LHFPL3: variants seen among roughly 807,000 people sequenced by gnomAD.
LHFPL3 encodes the protein LHFPL tetraspan subfamily member 3, also known as LHFPL tetraspan subfamily member 3 protein.
LHFPL3 carries 5 observed loss-of-function variants against 19.3 expected under a neutral mutation model. The ratio of observed to expected loss-of-function variants is 0.26; its 90% CI spans 0.14 to 0.54. LHFPL3 has a LOEUF of 0.54. Among genes scored for constraint, LHFPL3 ranks in the 20% least tolerant of loss-of-function variants. The pLI is 0.94. For synonymous variants in LHFPL3, 133 were observed against 126.2 expected, an observed-to-expected ratio of 1.05 and a Z score of -0.36; for missense variants, 249 against 307.4, an observed-to-expected ratio of 0.81 and a Z score of 1.42.
chr7:104,866,732 G>A (rs1250369997), intron 2 of LHFPL3, among the ~76,000 whole-genome samples: 1 of 152,168 alleles, frequency 6.6e-6, no homozygotes, highest in Non-Finnish European at 1.5e-5. Flanking sequence ...GGACCTAATA[G>A]ACATCTACAG....
At chr7:104,495,485 G>A (rs944872744) in intron 1 of LHFPL3, among the ~76,000 whole-genome samples, 11 of 152,172 alleles carry the variant, frequency 7.2e-5, no homozygotes, top group African/African-American at 1.2e-4. Context: ...CCGGGTTCAC[G>A]CCATTCTCCT....
At chr7:104,397,345 T>C (rs893488450) in intron 1 of LHFPL3, among the ~76,000 whole-genome samples, 8 of 152,202 alleles carry the variant, frequency 5.3e-5, no homozygotes, top group Non-Finnish European at 1.0e-4. Flanking sequence ...ACCATATTCT[T>C]CCTAACTTCC....
At chr7:104,517,156 G>A (rs545442212) in intron 1 of LHFPL3, among the ~76,000 whole-genome samples, 36 of 152,206 alleles carry the variant, frequency 2.4e-4, no homozygotes, top group Admixed American at 2.0e-4. Context: ...GTGGAGGGTG[G>A]GAGGAGGGAG....
chr7:104,572,478 TAAATC>T (rs1310134494), intron 1 of LHFPL3, among the ~76,000 whole-genome samples: 3 of 152,212 alleles, frequency 2.0e-5, no homozygotes, highest in Non-Finnish European at 2.9e-5. Flanking sequence ...TTTATGGACT[TAAATC>T]AAGACTTTTG....
intron 1 of LHFPL3, among the ~76,000 whole-genome samples, chr7:104,587,454 A>C (rs369790582): frequency 6.6e-6 from 1 of 152,146 alleles, no homozygotes; most frequent in Admixed American, 6.6e-5. Context: ...TGAACTCATC[A>C]TTTTTTATGG....
At chr7:104,639,858 C>T (rs1025414079) in intron 1 of LHFPL3, among the ~76,000 whole-genome samples, 2 of 152,140 alleles carry the variant, frequency 1.3e-5, no homozygotes, top group South Asian at 4.1e-4. Context: ...TATTTGGAAA[C>T]ATACTTGAAT....
intron 1 of LHFPL3, among the ~76,000 whole-genome samples, chr7:104,635,479 A>G (rs566583064): frequency 1.7e-4 from 26 of 152,288 alleles, no homozygotes; most frequent in African/African-American, 6.0e-4. Context: ...AAAAGTATTA[A>G]ACTTGTCAAC....
At chr7:104,618,299 A>G (rs1052659537) in intron 1 of LHFPL3, among the ~76,000 whole-genome samples, 1 of 152,224 alleles carries the variant, frequency 6.6e-6, no homozygotes, top group African/African-American at 2.4e-5. Context: ...TTGATTAACA[A>G]TCAGCCACCT....
chr7:104,581,473 A>G (rs1222886699), intron 1 of LHFPL3, among the ~76,000 whole-genome samples: 2 of 151,992 alleles, frequency 1.3e-5, no homozygotes, highest in East Asian at 1.9e-4. Flanking sequence ...TTATCTTAAT[A>G]GTATAGTTTG....
chr7:104,414,410 G>C (rs1287261049), intron 1 of LHFPL3, among the ~76,000 whole-genome samples: 3 of 152,138 alleles, frequency 2.0e-5, no homozygotes, highest in Non-Finnish European at 4.4e-5. Flanking sequence ...ACATCGTTAG[G>C]CTCTTCATAG....
At chr7:104,893,100 G>C (rs1792284905) in intron 2 of LHFPL3, among the ~76,000 whole-genome samples, 1 of 151,924 alleles carries the variant, frequency 6.6e-6, no homozygotes, top group Non-Finnish European at 1.5e-5. Flanking sequence ...TGTAGCCATA[G>C]CTACTCGGGA....
chr7:104,398,848 C>CGA (rs140663776), intron 1 of LHFPL3, among the ~76,000 whole-genome samples: 2 of 108,652 alleles, frequency 1.8e-5, no homozygotes, highest in African/African-American at 6.2e-5. Flanking sequence ...ATGCCCGCCC[C>CGA]CCGGCCCTGA....
At chr7:104,584,119 T>C (rs1376309755) in intron 1 of LHFPL3, among the ~76,000 whole-genome samples, 2 of 152,088 alleles carry the variant, frequency 1.3e-5, no homozygotes, top group African/African-American at 4.8e-5. Flanking sequence ...CATGGAATAC[T>C]ATGCAGCCAT....
chr7:104,869,465 A>G (rs1055543155), intron 2 of LHFPL3, among the ~76,000 whole-genome samples: 2 of 152,222 alleles, frequency 1.3e-5, no homozygotes, highest in South Asian at 2.1e-4. Flanking sequence ...GAAGACATTT[A>G]TGCAGCCAAA....
intron 1 of LHFPL3, among the ~76,000 whole-genome samples, chr7:104,496,182 G>A (rs376079065): frequency 5.3e-5 from 8 of 151,854 alleles, no homozygotes; most frequent in East Asian, 3.9e-4. Flanking sequence ...ATGCGTTCTC[G>A]TTGTTCAATT....
chr7:104,721,777 G>A (rs1319717558), intron 1 of LHFPL3, among the ~76,000 whole-genome samples: 2 of 152,178 alleles, frequency 1.3e-5, no homozygotes, highest in African/African-American at 4.8e-5. Flanking sequence ...GAAACTGAAG[G>A]TGTCAGGAAG....
At chr7:104,770,233 G>T (rs1249052164) in intron 2 of LHFPL3, among the ~76,000 whole-genome samples, 1 of 151,980 alleles carries the variant, frequency 6.6e-6, no homozygotes, top group Non-Finnish European at 1.5e-5. Flanking sequence ...TGCCATGGAG[G>T]GATGTATTAT....
intron 2 of LHFPL3, among the ~76,000 whole-genome samples, chr7:104,799,029 A>C (rs1049894061): frequency 6.6e-6 from 1 of 152,226 alleles, no homozygotes; most frequent in Non-Finnish European, 1.5e-5. Flanking sequence ...TTATTACCGC[A>C]TTCAAAAACA....
intron 1 of LHFPL3, among the ~76,000 whole-genome samples, chr7:104,632,417 C>T (rs10487220): frequency 0.2 from 29,808 of 152,120 alleles, 3,642 homozygotes; most frequent in South Asian, 0.4. Context: ...TCATTTTAAA[C>T]TATTATGTGA....
Sources: gnomAD v4.1 joint callset for allele counts (sites outside exome capture counted in the v4.1 genomes callset) on GRCh38, gnomAD v4.1.1 for gene constraint, MANE v1.5 for transcripts, NCBI Gene and HGNC (gene_info 2026-07-23, HGNC 2026-07-21) for gene names.